Variants in IGSF9B observed in about 807,000 individuals in gnomAD.
IGSF9B encodes the protein protein turtle homolog B.
A neutral mutation model predicts 143.7 loss-of-function variants in IGSF9B; 48 were observed. That is an observed-to-expected ratio of 0.33 (90% CI 0.26 to 0.42). The LOEUF (loss-of-function observed/expected upper bound fraction) is 0.42. Ranked by LOEUF, IGSF9B falls within the 20% of genes least tolerant of loss-of-function variation. The pLI is 1.00. For missense variants in IGSF9B, 1,706 were observed against 1,980.0 expected (o/e 0.86, Z 2.63); for synonymous variants, 903 against 833.1 (o/e 1.08, Z -1.44).
intron 3 of IGSF9B, among the ~76,000 whole-genome samples, chr11:133,943,168 T>A (rs1228770323): frequency 6.6e-6 from 1 of 152,154 alleles, no homozygotes; most frequent in Non-Finnish European, 1.5e-5. Flanking sequence ...GACCGTAAGC[T>A]GTATGTGGCA....
chr11:133,919,689 G>C, intron 18 of IGSF9B, 53 bp downstream of exon 18: 11 of 1,168,222 alleles, frequency 9.4e-6, no homozygotes, highest in Non-Finnish European at 1.1e-5. Flanking sequence ...GGCGAGGCGG[G>C]TGGGGGAAGG....
chr11:133,897,773 C>T lies in IGSF9B; in HGVS notation c.*11296G>A, dbSNP rs1379352452. The stretch of plus-strand genomic sequence containing the variant: ...CATACCTGAAGTTCAAAAAGTAAGC[C>T]TCTAGTTGCCATTCAAGTTCACACT... On this transcript the variant is annotated 3_prime_UTR_variant, in exon 20 of 20. Coordinates refer to ENST00000533871, the MANE Select transcript of IGSF9B (RefSeq NM_001277285.4). The T allele has an allele frequency of 6.6e-6, 1 of 152,132 alleles. No individual in the cohort carries two copies. Among genetic ancestry groups the T allele is most frequent in the East Asian group, 1.9e-4 (1 of 5,206 alleles). 9.4% of individuals were successfully genotyped at this position (152,132 alleles called of 1,614,324 possible). A position where few individuals can be genotyped will look rare whatever the true frequency, so the allele number is the denominator to read the frequency against.
At position 133,920,038 on chromosome 11, in the gene IGSF9B, C is replaced by A; in HGVS notation, c.3687G>T (p.Leu1229=). 1 of 1,573,242 alleles carries A rather than the reference C, an allele frequency of 6.4e-7. No individual in the cohort carries two copies. Among genetic ancestry groups the A allele is most frequent in the Non-Finnish European group, 8.6e-7 (1 of 1,160,570 alleles). The change falls in exon 18 of 20, where the codon CTG becomes CTT. Residue 1229 remains leucine (L), a synonymous_variant. Coordinates refer to ENST00000533871, the MANE Select transcript of IGSF9B (RefSeq NM_001277285.4). ...AARARPRPGL[L]QQAEMSEITL... ...TGATCTCTGACATCTCTGCCTGCTG[C>A]AGGAGGCCCGGGCGAGGCCGGGCAC...
chr11:133,943,284 T>C (rs897384698), intron 3 of IGSF9B, among the ~76,000 whole-genome samples: 1 of 152,224 alleles, frequency 6.6e-6, no homozygotes, highest in Non-Finnish European at 1.5e-5. Flanking sequence ...GAAGGACACA[T>C]TGTTAATTTT....
Position 133,931,187 on chromosome 11 carries a change from G to C in IGSF9B, c.1369-53C>G. The C allele has an allele frequency of 6.4e-7, 1 of 1,561,318 alleles. No individual in the cohort carries two copies. Among genetic ancestry groups the C allele is most frequent in the Non-Finnish European group, 8.7e-7 (1 of 1,145,684 alleles). On this transcript the variant is annotated intron_variant, in intron 10 of 19. Transcript: ENST00000533871. This position sits in a 1 kb window ranked among gnomAD's most constrained non-coding sequence, Gnocchi z 7.7. ...GTGGGAACAGAAATGGGGGTTAGGA[G>C]AGAAGCCCGAAGCAGATGGGGAGGA...
chr11:133,944,596 C>A (rs2121336396), intron 2 of IGSF9B, among the ~76,000 whole-genome samples: 1 of 152,286 alleles, frequency 6.6e-6, no homozygotes, highest in Middle Eastern at 3.4e-3. Context: ...CCTGCCCCAG[C>A]CTGCAAGGCA....
rs893266353 is a variant in IGSF9B at position 133,931,339 on chromosome 11, C to A, written c.1368+114G>T. ...CCAGAATAGAACTGCTCGCTGGGCC[C>A]TCACACCTCCCCTCAGCCCCGGGGC... is the stretch of plus-strand genomic sequence containing the variant. On this transcript the variant is annotated intron_variant, in intron 10 of 19. Transcript: ENST00000533871. The surrounding 1 kb of genome is among the most constrained non-coding windows in gnomAD (Gnocchi z 7.7). 17 of 869,522 alleles carry A rather than the reference C, an allele frequency of 2.0e-5. No homozygotes were observed. The Admixed American group carries it at 4.1e-4, about 21-fold the overall frequency. The allele number at this position is 869,522 out of a possible 1,614,324, so 53.9% of individuals were successfully genotyped here. A position where few individuals can be genotyped will look rare whatever the true frequency, so the allele number is the denominator to read the frequency against.
intron 1 of IGSF9B, among the ~76,000 whole-genome samples, chr11:133,955,884 C>A (rs1363204362): frequency 1.3e-5 from 2 of 152,114 alleles, no homozygotes; most frequent in African/African-American, 4.8e-5. Context: ...GTGGGGACCC[C>A]CCCTTCCCCG....
Position 133,953,438 on chromosome 11 carries a change from C to G in IGSF9B, c.64+3253G>C, listed in dbSNP as rs1425499048. On this transcript the variant is annotated intron_variant, in intron 1 of 19. Transcript: ENST00000533871. The surrounding 1 kb of genome is among the most constrained non-coding windows in gnomAD (Gnocchi z 4.2). ...GCTGAGGATACACACACACATCCAT[C>G]CAGCCACTGACCACTTCCTGAGTGA... 2.0e-5 allele frequency among the ~76,000 whole-genome samples: 3 copies of G among 152,184 alleles called. No individual in the cohort carries two copies. Among genetic ancestry groups the G allele is most frequent in the Non-Finnish European group, 4.4e-5 (3 of 68,036 alleles).
chr11:133,935,572 C>T, intron 7 of IGSF9B, 45 bp downstream of exon 7: 1 of 1,578,850 alleles, frequency 6.3e-7, no homozygotes, highest in Admixed American at 1.8e-5. Flanking sequence ...ACACCAAAAC[C>T]TTCTGGGAGC....
Position 133,947,062 on chromosome 11 carries a change from G to A in IGSF9B, c.65-804C>T, listed in dbSNP as rs953571078. On this transcript the variant is annotated intron_variant, in intron 1 of 19. Coordinates refer to ENST00000533871, the MANE Select transcript of IGSF9B (RefSeq NM_001277285.4). ...GTCCCCACGTTGGGCAGAGGAAAACGAAATCAGACGGTGGGATAGGGAACA... is the reference window on the plus strand; with the variant it reads ...GTCCCCACGTTGGGCAGAGGAAAACAAAATCAGACGGTGGGATAGGGAACA... Among the ~76,000 whole-genome samples, 9 of 152,318 alleles carry A rather than the reference G, an allele frequency of 5.9e-5. No individual in the cohort carries two copies. In the East Asian group the frequency reaches 1.7e-3, roughly 29 times the overall value.
At position 133,932,246 on chromosome 11, in the gene IGSF9B, C is replaced by G. The variant is rs999355818; in HGVS notation, c.968-33G>C. 3 of 1,497,030 alleles carry G rather than the reference C, an allele frequency of 2.0e-6. No homozygotes were observed. In the East Asian group the frequency reaches 7.4e-5, roughly 37 times the overall value. 92.7% of individuals were successfully genotyped at this position (1,497,030 alleles called of 1,614,324 possible). On this transcript the variant is annotated intron_variant, in intron 7 of 19. Coordinates refer to ENST00000533871, the MANE Select transcript of IGSF9B (RefSeq NM_001277285.4). Reference sequence around the variant, plus strand: ...GAGGAAGCGCAGGTGAGAGAGCAGACAGACAGACACAGGGACAGACAGACA... The same window carrying G: ...GAGGAAGCGCAGGTGAGAGAGCAGAGAGACAGACACAGGGACAGACAGACA...
rs1048389045 is a variant in IGSF9B, at chr11:133,922,343, G to A, written c.2282-121C>T. 31 of 1,026,220 alleles carry A rather than the reference G, an allele frequency of 3.0e-5. No homozygotes were observed. The South Asian group carries it at 4.2e-4, about 14-fold the overall frequency. The allele number at this position is 1,026,220 out of a possible 1,614,324, so 63.6% of individuals were successfully genotyped here. ...CACAGGGAAGGAGCTGCTCACAGTG[G>A]GCATCTTTGGCCCCTGCCTTCATGC... On this transcript the variant is annotated intron_variant, in intron 16 of 19. Transcript: ENST00000533871.
chr11:133,943,193 C>T (rs1939983274), intron 3 of IGSF9B, among the ~76,000 whole-genome samples: 1 of 152,222 alleles, frequency 6.6e-6, no homozygotes, highest in Non-Finnish European at 1.5e-5. Flanking sequence ...CAAGCACCCA[C>T]GCTGTTGAAG....
intron 3 of IGSF9B, among the ~76,000 whole-genome samples, chr11:133,941,478 C>G (rs1222977760): frequency 6.6e-6 from 1 of 152,196 alleles, no homozygotes; most frequent in African/African-American, 2.4e-5. Context: ...ATTAAACATT[C>G]TAGTTTGAAA....
In IGSF9B at chr11:133,942,305, GGAA is replaced by G. The variant is rs1002746707; in HGVS notation, c.409+1912_409+1914del. On this transcript the variant is annotated intron_variant, in intron 3 of 19. Transcript: ENST00000533871. Reference sequence around the variant, plus strand: ...CCCTGCTTTTTGTAACTGAGGAACCGGAAGTCCGACAGGTAAGTAACCTTGCCC... The same window carrying G: ...CCCTGCTTTTTGTAACTGAGGAACCGGTCCGACAGGTAAGTAACCTTGCCC... 1.1e-4 allele frequency among the ~76,000 whole-genome samples: 17 copies of G among 152,276 alleles called. No individual in the cohort carries two copies. The East Asian group carries it at 3.1e-3, about 28-fold the overall frequency.
At position 133,902,469 on chromosome 11, in the gene IGSF9B, C is replaced by CACACCACACACAGAT; in HGVS notation, c.*6599_*6600insATCTGTGTGTGGTGT. On this transcript the variant is annotated 3_prime_UTR_variant, in exon 20 of 20. Coordinates refer to ENST00000533871, the MANE Select transcript of IGSF9B (RefSeq NM_001277285.4). ...CCCAGACACACCACACACAGATACA[C>CACACCACACACAGAT]ACACCACACACAACACACACACACA... Among the ~76,000 whole-genome samples the CACACCACACACAGAT allele has an allele frequency of 1.4e-5, 2 of 146,602 alleles. No individual in the cohort carries two copies. Among genetic ancestry groups the CACACCACACACAGAT allele is most frequent in the East Asian group, 2.0e-4 (1 of 4,914 alleles).
chr11:133,922,814 C>T, intron 15 of IGSF9B, 84 bp from the exon 16 acceptor site: 1 of 1,319,080 alleles, frequency 7.6e-7, no homozygotes, highest in African/African-American at 1.4e-5. Flanking sequence ...AAGTGTTTCA[C>T]CCTGCCTTTG....
In IGSF9B at chr11:133,919,929, T is replaced by G; in HGVS notation, c.3796A>C (p.Ser1266Arg). The change falls in exon 18 of 20, where the codon AGT (serine) becomes CGT (arginine). Residue 1266 changes from serine (S) to arginine (R), a missense_variant. Physicochemically the swap from Ser to Arg is moderately radical, Grantham distance 110. Coordinates refer to ENST00000533871, the MANE Select transcript of IGSF9B (RefSeq NM_001277285.4). ...GSPSQSSRSG[S>R]PSYRPAMGFT... ...CCCATGGCGGGCCGGTAGCTGGGAC[T>G]CCCACTGCGGCTGCTCTGGGAGGGG... The G allele has an allele frequency of 6.4e-7, 1 of 1,557,388 alleles. No individual in the cohort carries two copies. The highest frequency in any genetic ancestry group is 1.4e-5 in the African/African-American group (1 of 72,924).
Sources: gnomAD v4.1 joint callset for allele counts (sites outside exome capture counted in the v4.1 genomes callset) on GRCh38, gnomAD v4.1.1 for gene constraint, Gnocchi (gnomAD v3.1) non-coding constraint, MANE v1.5 for transcripts, NCBI Gene and HGNC (gene_info 2026-07-23, HGNC 2026-07-21) for gene names.